The following BRD4 variants were observed in gnomAD, a reference collection of about 807,000 sequenced individuals.
BRD4 encodes the protein bromodomain-containing protein 4.
A neutral mutation model predicts 142.1 loss-of-function variants in BRD4; 16 were observed. That is an observed-to-expected ratio of 0.11 (90% CI 0.08 to 0.17). BRD4 has a LOEUF of 0.17. Among genes scored for constraint, BRD4 ranks in the 10% least tolerant of loss-of-function variants. The probability of loss-of-function intolerance (pLI) is 1.00; values close to 1 mark genes in which losing one functional copy is unlikely to be tolerated. For synonymous variants in BRD4, 833 were observed against 707.5 expected (o/e 1.18, Z -2.82); for missense variants, 1,424 against 1,810.9 (o/e 0.79, Z 3.88).
Position 15,243,003 on chromosome 19 carries a change from C to T in BRD4, c.3066G>A (p.Pro1022=), listed in dbSNP as rs375554485. 45 of 165,446 alleles carry T rather than the reference C, an allele frequency of 2.7e-4. No individual in the cohort carries two copies. Among genetic ancestry groups the T allele is most frequent in the East Asian group, 1.5e-3 (6 of 4,038 alleles). The allele number at this position is 165,446 out of a possible 1,614,324, so 10.2% of individuals were successfully genotyped here. Residue 1022 remains proline, a synonymous_variant, in exon 14 of 20, where the codon CCG becomes CCA. Transcript: ENST00000679869. ...GCGGGGGTGGCTGCTGGCCTGGGGG[C>T]GGATGGGGGGGCTGCTGGCCCTGGG... ...PPPQGQQPPH[P]PPGQQPPPPQ... is the part of the protein sequence containing the mutation.
chr19:15,238,731 C>T lies in BRD4; in HGVS notation c.4020+12G>A, dbSNP rs768878651. On this transcript the variant is annotated intron_variant, in intron 19 of 19. Coordinates refer to ENST00000679869, the MANE Select transcript of BRD4 (RefSeq NM_001379291.1). The surrounding 1 kb of genome is among the most constrained non-coding windows in gnomAD (Gnocchi z 7.2). ...CCTTAGACCAGGGTCCCCACCAGGC[C>T]TCCAGACTCACGGCTTCCCGGCGTC... 5 of 1,520,942 alleles carry T rather than the reference C, an allele frequency of 3.3e-6. No homozygotes were observed. Among genetic ancestry groups the T allele is most frequent in the South Asian group, 2.6e-5 (2 of 76,844 alleles). 94.2% of individuals were successfully genotyped at this position (1,520,942 alleles called of 1,614,324 possible).
intron 2 of BRD4, among the ~76,000 whole-genome samples, chr19:15,271,701 T>C (rs1384089496): frequency 6.6e-6 from 1 of 152,216 alleles, no homozygotes; most frequent in Non-Finnish European, 1.5e-5. Context: ...CCACTCCTCA[T>C]CTTGGTCAAT....
intron 1 of BRD4, among the ~76,000 whole-genome samples, chr19:15,306,008 C>T (rs1420759001): frequency 6.6e-6 from 1 of 152,206 alleles, no homozygotes; most frequent in Non-Finnish European, 1.5e-5. Context: ...AGCTTTCTCA[C>T]CTCTTTCAGC....
chr19:15,281,491 A>T (rs2047704043), intron 1 of BRD4, among the ~76,000 whole-genome samples: 1 of 152,200 alleles, frequency 6.6e-6, no homozygotes, highest in Admixed American at 6.5e-5. Flanking sequence ...TTTGAAACTC[A>T]TCAGCAGGCT....
intron 1 of BRD4, among the ~76,000 whole-genome samples, chr19:15,330,049 G>A (rs2048143600): frequency 6.6e-6 from 1 of 152,208 alleles, no homozygotes; most frequent in Non-Finnish European, 1.5e-5. Flanking sequence ...TAGCACCCCA[G>A]AACAGCCAAA....
intron 1 of BRD4, among the ~76,000 whole-genome samples, chr19:15,305,864 G>A (rs2047909564): frequency 6.6e-6 from 1 of 152,156 alleles, no homozygotes; most frequent in Non-Finnish European, 1.5e-5. Context: ...AATTATCTTA[G>A]CTAGATCTGG....
At chr19:15,264,227 A>G (rs1389580450) in intron 6 of BRD4, 177 bp downstream of exon 6, 4 of 787,294 alleles carry the variant, frequency 5.1e-6, no homozygotes, top group Non-Finnish European at 7.8e-6. Context: ...CAGGTCTCAG[A>G]GCACGTCCCA....
chr19:15,245,870 T>A (rs1405032964), intron 11 of BRD4, among the ~76,000 whole-genome samples: 1 of 152,170 alleles, frequency 6.6e-6, no homozygotes, highest in Non-Finnish European at 1.5e-5. Context: ...GCTGCTGGTG[T>A]TGGAGGACAC....
intron 2 of BRD4, among the ~76,000 whole-genome samples, chr19:15,271,706 G>A (rs2047588882): frequency 6.6e-6 from 1 of 152,194 alleles, no homozygotes; most frequent in Non-Finnish European, 1.5e-5. Flanking sequence ...CCTCATCTTG[G>A]TCAATGGAGA....
intron 2 of BRD4, among the ~76,000 whole-genome samples, chr19:15,270,348 C>G (rs1177943182): frequency 6.6e-6 from 1 of 152,156 alleles, no homozygotes; most frequent in Non-Finnish European, 1.5e-5. Context: ...TTTGGCACAG[C>G]TCATGGAACT....
chr19:15,332,152 C>A (rs1180842904), intron 1 of BRD4, 138 bp downstream of exon 1: 1 of 146,736 alleles, frequency 6.8e-6, no homozygotes, highest in Non-Finnish European at 1.5e-5. Flanking sequence ...GCCCCGGCCT[C>A]CCCGCCCCCG....
chr19:15,262,304 C>CT (rs996400118), intron 7 of BRD4, among the ~76,000 whole-genome samples: 12 of 152,202 alleles, frequency 7.9e-5, no homozygotes, highest in African/African-American at 2.9e-4. Context: ...ACAATGAGCA[C>CT]ATCAGCACCT....
intron 1 of BRD4, among the ~76,000 whole-genome samples, chr19:15,328,941 T>A (rs2048133228): frequency 6.6e-6 from 1 of 152,152 alleles, no homozygotes; most frequent in African/African-American, 2.4e-5. Context: ...GCCCGGCTAA[T>A]TTTGTATTTT....
chr19:15,257,228 G>A lies in BRD4; in HGVS notation c.1342-55C>T, dbSNP rs1243780737. The A allele has an allele frequency of 6.0e-6, 9 of 1,501,216 alleles. No individual in the cohort carries two copies. The East Asian group carries it at 2.1e-4, about 35-fold the overall frequency. 93.0% of individuals were successfully genotyped at this position (1,501,216 alleles called of 1,614,324 possible). ...TGCTGGGTACCCAGGCCGCGGCCTA[G>A]CATCACCTGCCCTCATTGGCTGCTG... is the stretch of plus-strand genomic sequence containing the variant. On this transcript the variant is annotated intron_variant, in intron 7 of 19. Coordinates refer to ENST00000679869, the MANE Select transcript of BRD4 (RefSeq NM_001379291.1).
chr19:15,254,002 A>G, intron 11 of BRD4, 150 bp downstream of exon 11: 1 of 729,762 alleles, frequency 1.4e-6, no homozygotes, highest in South Asian at 1.7e-5. Context: ...CCCCAGGGAG[A>G]CAGTTAACAA....
At chr19:15,294,461 C>A (rs1413690372) in intron 1 of BRD4, among the ~76,000 whole-genome samples, 1 of 152,272 alleles carries the variant, frequency 6.6e-6, no homozygotes, top group Non-Finnish European at 1.5e-5. Context: ...ATTTTTGCAG[C>A]AAGCACTGAA....
At chr19:15,265,793 A>C in intron 4 of BRD4, 150 bp from the exon 5 acceptor site, 1 of 854,556 alleles carries the variant, frequency 1.2e-6, no homozygotes, top group Non-Finnish European at 1.9e-6. Flanking sequence ...ACTCTGCCAA[A>C]CCCTTCCACC....
At chr19:15,265,113 T>C (rs565833548) in intron 5 of BRD4, among the ~76,000 whole-genome samples, 4 of 152,116 alleles carry the variant, frequency 2.6e-5, no homozygotes, top group Non-Finnish European at 4.4e-5. Context: ...CATCTGCAAA[T>C]ATGCACAGTC....
At chr19:15,269,152 A>G (rs1373752261) in intron 2 of BRD4, 110 bp from the exon 3 acceptor site, 1 of 1,245,886 alleles carries the variant, frequency 8.0e-7, no homozygotes, top group African/African-American at 1.5e-5. Flanking sequence ...CCACAGGTAA[A>G]TCCACGGGAG....
Sources: gnomAD v4.1 joint callset for allele counts (sites outside exome capture counted in the v4.1 genomes callset) on GRCh38, gnomAD v4.1.1 for gene constraint, Gnocchi (gnomAD v3.1) non-coding constraint, MANE v1.5 for transcripts, NCBI Gene and HGNC (gene_info 2026-07-23, HGNC 2026-07-21) for gene names.